CDH12: variants seen among roughly 807,000 people sequenced by gnomAD.
CDH12 encodes cadherin 12.
CDH12 carries 41 observed loss-of-function variants against 74.1 expected under a neutral mutation model. That is an observed-to-expected ratio of 0.55 (90% confidence interval 0.43 to 0.72). The LOEUF (loss-of-function observed/expected upper bound fraction) is 0.72. Ranked by LOEUF, CDH12 falls within the 30% of genes least tolerant of loss-of-function variation. The pLI is 0.00. For missense variants in CDH12, 945 were observed against 977.2 expected (o/e 0.97, Z 0.44); for synonymous variants, 399 against 355.0 (o/e 1.12, Z -1.39).
chr5:22,196,938 T>C (rs1413023109), intron 4 of CDH12, among the ~76,000 whole-genome samples: 1 of 152,068 alleles, frequency 6.6e-6, no homozygotes, highest in Non-Finnish European at 1.5e-5. Flanking sequence ...AAGTAGATCA[T>C]GAAAAATAAT....
At chr5:22,350,199 T>C (rs1330101367) in intron 3 of CDH12, among the ~76,000 whole-genome samples, 1 of 152,210 alleles carries the variant, frequency 6.6e-6, no homozygotes, top group Non-Finnish European at 1.5e-5. Flanking sequence ...CTGATTTTTC[T>C]ATTCAACAAA....
chr5:22,303,585 T>C (rs1483991566), intron 3 of CDH12, among the ~76,000 whole-genome samples: 1 of 152,124 alleles, frequency 6.6e-6, no homozygotes, highest in Admixed American at 6.6e-5. Flanking sequence ...TACATTTTAG[T>C]CAGCAGTAAC....
chr5:22,541,234 T>A (rs980040), intron 1 of CDH12, among the ~76,000 whole-genome samples: 1 of 151,914 alleles, frequency 6.6e-6, no homozygotes, highest in Non-Finnish European at 1.5e-5. Context: ...CTGTCAAAGC[T>A]CCATAAAATC....
intron 1 of CDH12, among the ~76,000 whole-genome samples, chr5:22,650,444 G>C (rs1739675449): frequency 6.6e-6 from 1 of 152,032 alleles, no homozygotes; most frequent in Non-Finnish European, 1.5e-5. Flanking sequence ...TGTGTCCTTA[G>C]AGAGTAACCA....
intron 6 of CDH12, among the ~76,000 whole-genome samples, chr5:21,880,016 CTTGCTTATACTAA>C (rs1373105457): frequency 6.6e-6 from 1 of 152,206 alleles, no homozygotes; most frequent in Non-Finnish European, 1.5e-5. Context: ...TTCTGATGTC[CTTGCTTATACTAA>C]TTTAGCAGCT....
At chr5:22,719,913 G>A (rs1743787898) in intron 1 of CDH12, among the ~76,000 whole-genome samples, 1 of 152,112 alleles carries the variant, frequency 6.6e-6, no homozygotes, top group Non-Finnish European at 1.5e-5. Context: ...CCTGGGGAAA[G>A]AAGTCTTCAC....
chr5:22,346,753 A>G (rs1740132326), intron 3 of CDH12, among the ~76,000 whole-genome samples: 1 of 152,158 alleles, frequency 6.6e-6, no homozygotes, highest in South Asian at 2.1e-4. Context: ...TGCTAAAGGG[A>G]TCTATTCATG....
intron 4 of CDH12, among the ~76,000 whole-genome samples, chr5:22,204,249 C>T (rs1751091536): frequency 6.6e-6 from 1 of 151,750 alleles, no homozygotes; most frequent in South Asian, 2.1e-4. Context: ...CTCAGCTCCG[C>T]CTCGGGGTTC....
chr5:22,512,558 T>TGAGGAC (rs753113538), intron 1 of CDH12, among the ~76,000 whole-genome samples: 111 of 152,270 alleles, frequency 7.3e-4, no homozygotes, highest in Non-Finnish European at 1.4e-3. Context: ...AACCCAAGAC[T>TGAGGAC]AATATCAGCT....
chr5:22,582,254 T>C (rs1402354848), intron 1 of CDH12, among the ~76,000 whole-genome samples: 2 of 151,698 alleles, frequency 1.3e-5, no homozygotes, highest in African/African-American at 4.8e-5. Flanking sequence ...CACCTTAATA[T>C]AGATGACATA....
At position 21,757,449 on chromosome 5, in the gene CDH12, G is replaced by A. The variant is rs73054912; in HGVS notation, c.1634-1607C>T. Among the ~76,000 whole-genome samples the A allele has an allele frequency of 8.0e-3, 1,224 of 152,138 alleles. 9 individuals carry two copies. Among genetic ancestry groups the A allele is most frequent in the African/African-American group, 0.028 (1,167 of 41,508 alleles). ...CCTTGGCCTCCCAAAGTGAGCCACC[G>A]CACCCAGCCCAATTTATTATTTATT... is the stretch of plus-strand genomic sequence containing the variant. On this transcript the variant is annotated intron_variant, in intron 13 of 14. Transcript: ENST00000382254.
chr5:22,236,373 CTATTA>C (rs1752558948), intron 3 of CDH12, among the ~76,000 whole-genome samples: 3 of 152,132 alleles, frequency 2.0e-5, no homozygotes, highest in South Asian at 4.1e-4. Flanking sequence ...TGTCCTTATT[CTATTA>C]TCTTTTTCTA....
At chr5:22,461,652 T>C (rs1187936824) in intron 2 of CDH12, among the ~76,000 whole-genome samples, 2 of 151,968 alleles carry the variant, frequency 1.3e-5, no homozygotes, top group African/African-American at 4.8e-5. Flanking sequence ...AAATGACACA[T>C]AGAAAACTTT....
intron 9 of CDH12, among the ~76,000 whole-genome samples, chr5:21,804,782 A>G (rs1333502753): frequency 3.9e-5 from 6 of 152,030 alleles, no homozygotes; most frequent in Non-Finnish European, 1.5e-5. Context: ...AATTCATTCA[A>G]CAAATTACAG....
intron 6 of CDH12, among the ~76,000 whole-genome samples, chr5:21,945,689 G>A (rs12523380): frequency 0.17 from 25,381 of 151,510 alleles, 2,513 homozygotes; most frequent in African/African-American, 0.27. Flanking sequence ...GCAGAAGATG[G>A]AATCAGTGAA....
chr5:22,286,042 T>G (rs888828352), intron 3 of CDH12, among the ~76,000 whole-genome samples: 3 of 152,142 alleles, frequency 2.0e-5, no homozygotes, highest in African/African-American at 7.2e-5. Context: ...TACACGGTAT[T>G]GACAATATAA....
intron 5 of CDH12, among the ~76,000 whole-genome samples, chr5:22,064,545 T>C (rs1166635498): frequency 6.6e-6 from 1 of 152,154 alleles, no homozygotes; most frequent in African/African-American, 2.4e-5. Context: ...CCAATAGTCC[T>C]TGGTGTGACG....
chr5:21,889,886 A>G (rs1258845376), intron 6 of CDH12: 12 of 982,478 alleles, frequency 1.2e-5, no homozygotes, highest in East Asian at 1.1e-4. Flanking sequence ...TTCTTAGCAT[A>G]TAAGTTACCC....
intron 11 of CDH12, 66 bp from the exon 12 acceptor site, chr5:21,765,165 A>G: frequency 7.0e-6 from 9 of 1,280,398 alleles, no homozygotes; most frequent in Non-Finnish European, 9.4e-6. Flanking sequence ...TCTACAATAA[A>G]TAGTATTTAC....
Sources: gnomAD v4.1 joint callset for allele counts (sites outside exome capture counted in the v4.1 genomes callset) on GRCh38, gnomAD v4.1.1 for gene constraint, MANE v1.5 for transcripts, NCBI Gene and HGNC (gene_info 2026-07-23, HGNC 2026-07-21) for gene names.